The following DVL1 variants were observed in gnomAD, a reference collection of about 807,000 sequenced individuals.
The protein encoded by DVL1 is dishevelled segment polarity protein 1, also known as segment polarity protein dishevelled homolog DVL-1.
A neutral mutation model predicts 65.0 loss-of-function variants in DVL1; 49 were observed. That is an observed-to-expected ratio of 0.75 (90% CI 0.60 to 0.96). The LOEUF is 0.96. Among genes scored for constraint, DVL1 ranks in the 40% least tolerant of loss-of-function variants. The probability of loss-of-function intolerance (pLI) is 0.00; values close to 1 mark genes in which losing one functional copy is unlikely to be tolerated. For missense variants in DVL1, 1,197 were observed against 1,045.4 expected, an observed-to-expected ratio of 1.15 and a Z score of -2.00; for synonymous variants, 608 against 433.9, an observed-to-expected ratio of 1.40 and a Z score of -4.99.
chr1:1,342,649 T>C lies in DVL1; in HGVS notation c.240+40A>G, dbSNP rs762343685. On this transcript the variant is annotated intron_variant, in intron 2 of 14. Transcript: ENST00000378888. Reference sequence around the variant, plus strand: ...CAGGAAGAGCCCCACCCTGGAATGCTCCCCAGGCGAGCCTTCGGGGCCAAG... The same window carrying C: ...CAGGAAGAGCCCCACCCTGGAATGCCCCCCAGGCGAGCCTTCGGGGCCAAG... 5 of 1,607,764 alleles carry C rather than the reference T, an allele frequency of 3.1e-6. No individual in the cohort carries two copies. In the South Asian group the frequency reaches 4.4e-5, roughly 14 times the overall value.
intron 14 of DVL1, among the ~76,000 whole-genome samples, chr1:1,337,331 C>T (rs978208301): frequency 2.0e-5 from 3 of 152,180 alleles, no homozygotes; most frequent in Non-Finnish European, 2.9e-5. Flanking sequence ...CCTCACCAAC[C>T]CCACCCACTG....
chr1:1,347,587 C>T (rs963334288), intron 1 of DVL1, among the ~76,000 whole-genome samples: 3 of 152,212 alleles, frequency 2.0e-5, no homozygotes, highest in Non-Finnish European at 2.9e-5. Flanking sequence ...GCATTAGTAA[C>T]TTTGGTAACT....
Position 1,336,395 on chromosome 1 carries a change from A to G in DVL1, c.1835T>C (p.Val612Ala), listed in dbSNP as rs1569669912. The part of the protein sequence containing the change: ...SESDHTAPSG[V>A]GSSWRERPAG... ...CGGACGCTCTCGCCAGCTGCTCCCC[A>G]CCCCACTCGGTGCCGTGTGATCCGA... The change falls in exon 15 of 15, where the codon GTG (valine) becomes GCG (alanine). Residue 612 changes from valine to alanine, a missense_variant. By Grantham distance (64) the Val-to-Ala change is moderately conservative. Coordinates refer to ENST00000378888, the MANE Select transcript of DVL1 (RefSeq NM_001330311.2). 3 of 1,598,204 alleles carry G rather than the reference A, an allele frequency of 1.9e-6. No homozygotes were observed. The highest frequency in any genetic ancestry group is 2.5e-6 in the Non-Finnish European group (3 of 1,178,282).
chr1:1,341,390 CACAG>C (rs1340981232), intron 5 of DVL1, among the ~76,000 whole-genome samples: 2 of 152,186 alleles, frequency 1.3e-5, no homozygotes, highest in Non-Finnish European at 2.9e-5. Flanking sequence ...AAACGCCTCA[CACAG>C]ACACACATGC....
intron 14 of DVL1, chr1:1,336,918 TC>T: frequency 1.1e-6 from 1 of 870,376 alleles, no homozygotes; most frequent in Non-Finnish European, 1.4e-6. Flanking sequence ...GACGGATGAC[TC>T]AGCTCAGCCC....
chr1:1,342,497 C>T lies in DVL1; in HGVS notation c.241-13G>A. Reference sequence around the variant, plus strand: ...CAGCCAGGACCAGCTGTGGAGGGAGCAGGCATGCTCAGGGGAGCCCACCCG... The same window carrying T: ...CAGCCAGGACCAGCTGTGGAGGGAGTAGGCATGCTCAGGGGAGCCCACCCG... On this transcript the variant is annotated splice_polypyrimidine_tract_variant and intron_variant, in intron 2 of 14. Coordinates refer to ENST00000378888, the MANE Select transcript of DVL1 (RefSeq NM_001330311.2). 6 of 1,608,380 alleles carry T rather than the reference C, an allele frequency of 3.7e-6. No homozygotes were observed. Among genetic ancestry groups the T allele is most frequent in the Non-Finnish European group, 5.1e-6 (6 of 1,178,458 alleles).
In DVL1 at chr1:1,335,930, G is replaced by A. The variant is rs1643555082; in HGVS notation, c.*212C>T. On this transcript the variant is annotated 3_prime_UTR_variant, in exon 15 of 15. Transcript: ENST00000378888. The stretch of plus-strand genomic sequence containing the variant: ...GGGAGGTCCGAGGCTCTCGCTGAGG[G>A]GCAGAGAGGGAGCGCCCCCAACACG... 1 of 635,114 alleles carries A rather than the reference G, an allele frequency of 1.6e-6. No homozygotes were observed. Among genetic ancestry groups the A allele is most frequent in the Non-Finnish European group, 2.7e-6 (1 of 371,110 alleles). The allele number at this position is 635,114 out of a possible 1,614,324, so 39.3% of individuals were successfully genotyped here. A position where few individuals can be genotyped will look rare whatever the true frequency, so the allele number is the denominator to read the frequency against.
Position 1,339,376 on chromosome 1 carries a change from GCTC to G in DVL1, c.1115_1117del (p.Gly372del). 1 of 1,548,964 alleles carries G rather than the reference GCTC, an allele frequency of 6.5e-7. No homozygotes were observed. Among genetic ancestry groups the G allele is most frequent in the Non-Finnish European group, 8.7e-7 (1 of 1,146,862 alleles). On this transcript the variant is annotated inframe_deletion, in exon 11 of 15. Transcript: ENST00000378888. The stretch of plus-strand genomic sequence containing the variant: ...GGGACTCGTACCGTAGCGGGGCAGG[GCTC>G]CTGTCAGTGCCGCCGTGTGGGACAG...
At position 1,345,180 on chromosome 1, in the gene DVL1, T is replaced by C. The variant is rs534581511; in HGVS notation, c.171-2422A>G. 6.6e-5 allele frequency among the ~76,000 whole-genome samples: 10 copies of C among 152,074 alleles called. No individual in the cohort carries two copies. In the East Asian group the frequency reaches 1.7e-3, roughly 27 times the overall value. On this transcript the variant is annotated intron_variant, in intron 1 of 14. Coordinates refer to ENST00000378888, the MANE Select transcript of DVL1 (RefSeq NM_001330311.2). ...GGCCTCACGAAGACCCCAGGCTGCC[T>C]GGGATGTCCCTGCCCCCTGCCCCCT...
chr1:1,341,290 TCA>T (rs367824412), intron 5 of DVL1, among the ~76,000 whole-genome samples: 13 of 150,234 alleles, frequency 8.7e-5, no homozygotes, highest in Admixed American at 4.6e-4. Flanking sequence ...AAAACGCACC[TCA>T]CACACACATA....
intron 1 of DVL1, 78 bp downstream of exon 1, chr1:1,348,818 C>T: frequency 7.5e-7 from 1 of 1,327,020 alleles, no homozygotes; most frequent in South Asian, 1.6e-5. Flanking sequence ...CGGCTCAGGA[C>T]CCCCGCCCCG....
Position 1,341,800 on chromosome 1 carries a change from G to C in DVL1, c.472C>G (p.Arg158Gly). Reference sequence around the variant, plus strand: ...TCTCCCCTTGGGTGCCCATTGGTCCGGGCGGCTGTGGGGGCAGCAGGTTGG... The same window carrying C: ...TCTCCCCTTGGGTGCCCATTGGTCCCGGCGGCTGTGGGGGCAGCAGGTTGG... ...ARRRNREEAA[R>G]TNGHPRGDRR... Residue 158 changes from arginine (R) to glycine (G), a missense_variant, in exon 5 of 15, where the codon CGG (arginine) becomes GGG (glycine). Physicochemically the swap from Arg to Gly is moderately radical, Grantham distance 125 (BLOSUM62 -2). Coordinates refer to ENST00000378888, the MANE Select transcript of DVL1 (RefSeq NM_001330311.2). 3 of 1,579,560 alleles carry C rather than the reference G, an allele frequency of 1.9e-6. No individual in the cohort carries two copies. Among genetic ancestry groups the C allele is most frequent in the African/African-American group, 1.3e-5 (1 of 74,552 alleles).
intron 1 of DVL1, among the ~76,000 whole-genome samples, chr1:1,344,562 G>C (rs529307045): frequency 2.6e-5 from 4 of 152,280 alleles, no homozygotes; most frequent in African/African-American, 7.2e-5. Flanking sequence ...GGGTCCTGCA[G>C]CTGCCTCCCC....
At position 1,342,767 on chromosome 1, in the gene DVL1, A is replaced by G. The variant is rs771388705; in HGVS notation, c.171-9T>C. ...TCTCCTCCTTCACCACCCTGTGGGC[A>G]TATGCTGCCGTGAGGCCCCACCTGG... On this transcript the variant is annotated splice_polypyrimidine_tract_variant and intron_variant, in intron 1 of 14. Coordinates refer to ENST00000378888, the MANE Select transcript of DVL1 (RefSeq NM_001330311.2). 6.2e-7 allele frequency: 1 copy of G among 1,612,574 alleles called. No individual in the cohort carries two copies. The highest frequency in any genetic ancestry group is 1.3e-5 in the African/African-American group (1 of 74,914).
intron 6 of DVL1, 23 bp from the exon 7 acceptor site, chr1:1,340,339 G>A (rs757163445): frequency 1.2e-6 from 2 of 1,613,822 alleles, no homozygotes; most frequent in East Asian, 2.2e-5. Flanking sequence ...GGGGGCGTGT[G>A]TAAAAGGCAC....
Position 1,336,358 on chromosome 1 carries a change from G to A in DVL1, c.1872C>T (p.Leu624=), listed in dbSNP as rs1336671893. The change falls in exon 15 of 15, where the codon CTC becomes CTT. Residue 624 remains leucine, a synonymous_variant. Coordinates refer to ENST00000378888, the MANE Select transcript of DVL1 (RefSeq NM_001330311.2). ...SSWRERPAGQ[L]SRGSSPRSQA... ...GACTGCGTGGGCTGCTGCCACGGCTGAGCTGGCCGGCCGGACGCTCTCGCC... is the reference window on the plus strand; with the variant it reads ...GACTGCGTGGGCTGCTGCCACGGCTAAGCTGGCCGGCCGGACGCTCTCGCC... 2 of 1,595,970 alleles carry A rather than the reference G, an allele frequency of 1.3e-6. No individual in the cohort carries two copies. The highest frequency in any genetic ancestry group is 3.4e-5 in the Admixed American group (2 of 59,508).
At position 1,338,188 on chromosome 1, in the gene DVL1, C is replaced by T. The variant is rs745945473; in HGVS notation, c.1508-5G>A. The T allele has an allele frequency of 1.3e-5, 20 of 1,599,122 alleles. No homozygotes were observed. Among genetic ancestry groups the T allele is most frequent in the African/African-American group, 9.4e-5 (7 of 74,700 alleles). On this transcript the variant is annotated splice_polypyrimidine_tract_variant and splice_region_variant and intron_variant, in intron 13 of 14. Transcript: ENST00000378888. ...TGAGGTTCAGGGTGGCGAGATCTGG[C>T]GGGGGAGGGTAGGTGAGGGCCGCGG...
chr1:1,336,627 G>T, intron 14 of DVL1, 112 bp from the exon 15 acceptor site: 3 of 1,364,514 alleles, frequency 2.2e-6, no homozygotes, highest in Non-Finnish European at 2.9e-6. Flanking sequence ...GTGCAGGACG[G>T]GTGGGTGGGG....
intron 1 of DVL1, among the ~76,000 whole-genome samples, chr1:1,346,161 C>T (rs1196069014): frequency 6.6e-6 from 1 of 152,292 alleles, no homozygotes; most frequent in Middle Eastern, 3.4e-3. Context: ...CCAGGCCAGG[C>T]AGAGCCTCCC....
Sources: allele counts gnomAD v4.1 joint callset (sites outside exome capture counted in the v4.1 genomes callset), GRCh38; gene constraint gnomAD v4.1.1; transcripts MANE v1.5; gene names NCBI Gene and HGNC (gene_info 2026-07-23, HGNC 2026-07-21).